Variants in GRIA3 observed in about 807,000 individuals in gnomAD.
GRIA3 encodes the protein glutamate ionotropic receptor AMPA type subunit 3.
Under a neutral mutation model 63.0 loss-of-function variants are expected in GRIA3, and 3 were observed. That is an observed-to-expected ratio of 0.05 (90% CI 0.02 to 0.12). The LOEUF (loss-of-function observed/expected upper bound fraction) is 0.12, where lower values mean the gene tolerates loss of function less well. Among genes scored for constraint, GRIA3 ranks in the 10% least tolerant of loss-of-function variants. The pLI is 1.00. For missense variants in GRIA3, 347 were observed against 700.9 expected (o/e 0.50, Z 5.70); for synonymous variants, 274 against 257.9 (o/e 1.06, Z -0.60).
intron 12 of GRIA3, among the ~76,000 whole-genome samples, chrX:123,438,237 C>G (rs1354916688): frequency 2.7e-5 from 3 of 112,134 alleles, no homozygotes; most frequent in Non-Finnish European, 5.6e-5. Context: ...ATAAATGGAA[C>G]AATATGTCCT....
At chrX:123,484,937 G>A (rs1193800515) in intron 15 of GRIA3, among the ~76,000 whole-genome samples, 1 of 112,547 alleles carries the variant, frequency 8.9e-6, no homozygotes, top group Non-Finnish European at 1.9e-5. Flanking sequence ...CCTGCCTTTT[G>A]CCACAACATA....
At chrX:123,474,362 A>C (rs1302069865) in intron 13 of GRIA3, among the ~76,000 whole-genome samples, 2 of 112,427 alleles carry the variant, frequency 1.8e-5, no homozygotes, top group Admixed American at 1.9e-4. Flanking sequence ...AAATACATCA[A>C]AAGTTTTATT....
intron 12 of GRIA3, among the ~76,000 whole-genome samples, chrX:123,452,820 TGA>T (rs2045740219): frequency 1.8e-5 from 2 of 111,697 alleles, no homozygotes; most frequent in Admixed American, 1.9e-4. Flanking sequence ...AATCCTTGAT[TGA>T]GAGTCAGGGA....
intron 12 of GRIA3, among the ~76,000 whole-genome samples, chrX:123,453,204 C>T (rs12856773): frequency 0.19 from 20,998 of 110,765 alleles, 1,983 homozygotes; most frequent in African/African-American, 0.36. Context: ...TGGAATACTA[C>T]GCAGCCATAA....
chrX:123,342,407 C>T (rs768196264), intron 4 of GRIA3, among the ~76,000 whole-genome samples: 192 of 112,067 alleles, frequency 1.7e-3, no homozygotes, highest in African/African-American at 6.0e-3. Context: ...CTTCAGAACC[C>T]AGTGCAGAGA....
chrX:123,357,611 T>A (rs1271917353), intron 5 of GRIA3, among the ~76,000 whole-genome samples: 1 of 109,266 alleles, frequency 9.2e-6, no homozygotes, highest in Non-Finnish European at 1.9e-5. Context: ...AATTTTGAGA[T>A]CCAGACCTGA....
intron 5 of GRIA3, among the ~76,000 whole-genome samples, chrX:123,386,092 GGTT>G (rs2045352635): frequency 9.0e-6 from 1 of 111,316 alleles, no homozygotes; most frequent in South Asian, 3.8e-4. Context: ...GCCAGCATCT[GGTT>G]GTTGTTGTTT....
At chrX:123,334,123 G>A (rs766321094) in intron 4 of GRIA3, among the ~76,000 whole-genome samples, 3 of 111,489 alleles carry the variant, frequency 2.7e-5, no homozygotes, top group African/African-American at 9.8e-5. Flanking sequence ...ACCTATGGTT[G>A]GATTTCTTAA....
At chrX:123,352,085 AT>A (rs58791604) in intron 4 of GRIA3, among the ~76,000 whole-genome samples, 21 of 102,192 alleles carry the variant, frequency 2.1e-4, no homozygotes, top group South Asian at 8.9e-4. Flanking sequence ...CATTTCAAAC[AT>A]TTTTTTTTTT....
At chrX:123,406,044 CT>C (rs1305459960) in intron 10 of GRIA3, among the ~76,000 whole-genome samples, 1 of 112,382 alleles carries the variant, frequency 8.9e-6, no homozygotes, top group Admixed American at 9.4e-5. Flanking sequence ...GCAATTAGGG[CT>C]TTTAAGAAAG....
intron 2 of GRIA3, among the ~76,000 whole-genome samples, chrX:123,232,929 C>G (rs1229807824): frequency 1.8e-5 from 2 of 110,996 alleles, no homozygotes; most frequent in Non-Finnish European, 3.8e-5. Flanking sequence ...ACCAAAACCA[C>G]ACAGATAATA....
At chrX:123,407,495 C>T (rs983927511) in intron 10 of GRIA3, among the ~76,000 whole-genome samples, 8 of 110,769 alleles carry the variant, frequency 7.2e-5, no homozygotes, top group Non-Finnish European at 1.3e-4. Flanking sequence ...GGGCCACTTT[C>T]AGGCTCATAG....
At chrX:123,487,505 G>A (rs977779312) in intron 15 of GRIA3, among the ~76,000 whole-genome samples, 2 of 111,150 alleles carry the variant, frequency 1.8e-5, no homozygotes, top group Non-Finnish European at 3.8e-5. Flanking sequence ...AAGAATTCAC[G>A]TTATGTTAAG....
chrX:123,360,564 C>T (rs2045164159), intron 5 of GRIA3, among the ~76,000 whole-genome samples: 1 of 98,655 alleles, frequency 1.0e-5, no homozygotes, highest in Admixed American at 1.1e-4. Context: ...GGCATGGTGG[C>T]ATGTGCCTGT....
chrX:123,463,690 GAA>G (rs747105744), intron 12 of GRIA3, among the ~76,000 whole-genome samples: 2 of 45,761 alleles, frequency 4.4e-5, no homozygotes, highest in East Asian at 1.2e-3. Context: ...GAAAGAGAGA[GAA>G]AGAAAGAAAA....
chrX:123,378,901 A>G (rs185413296), intron 5 of GRIA3, among the ~76,000 whole-genome samples: 1 of 107,267 alleles, frequency 9.3e-6, no homozygotes, highest in Admixed American at 9.8e-5. Context: ...TTTCCCCTTC[A>G]CTATTCAGAT....
At chrX:123,384,583 C>A (rs1414650514) in intron 5 of GRIA3, among the ~76,000 whole-genome samples, 1 of 111,975 alleles carries the variant, frequency 8.9e-6, no homozygotes, top group East Asian at 2.8e-4. Context: ...CGAGATCATG[C>A]CATTGCACTC....
At chrX:123,384,738 C>G (rs2045345067) in intron 5 of GRIA3, among the ~76,000 whole-genome samples, 1 of 112,475 alleles carries the variant, frequency 8.9e-6, no homozygotes, top group Non-Finnish European at 1.9e-5. Context: ...ATGCATTTCT[C>G]TAATGATCAG....
intron 14 of GRIA3, among the ~76,000 whole-genome samples, chrX:123,480,736 T>C (rs1399533247): frequency 9.0e-6 from 1 of 111,583 alleles, no homozygotes; most frequent in African/African-American, 3.3e-5. Context: ...TTAATTTGGA[T>C]CTCGAATCTC....
Sources: allele counts gnomAD v4.1 joint callset (sites outside exome capture counted in the v4.1 genomes callset), GRCh38; gene constraint gnomAD v4.1.1; transcripts MANE v1.5; gene names NCBI Gene and HGNC (gene_info 2026-07-23, HGNC 2026-07-21).